FNIP1: variants seen among roughly 807,000 people sequenced by gnomAD.
FNIP1 encodes folliculin interacting protein 1, also known as folliculin-interacting protein 1.
Under a neutral mutation model 124.5 loss-of-function variants are expected in FNIP1, and 40 were observed. That is an observed-to-expected ratio of 0.32 (90% CI 0.25 to 0.42). The LOEUF (loss-of-function observed/expected upper bound fraction) is 0.42, where lower values mean the gene tolerates loss of function less well. Among genes scored for constraint, FNIP1 ranks in the 10% least tolerant of loss-of-function variants. The pLI is 1.00. For missense variants in FNIP1, 1,176 were observed against 1,403.7 expected (o/e 0.84, Z 2.59); for synonymous variants, 472 against 470.6 (o/e 1.00, Z -0.04).
intron 11 of FNIP1, among the ~76,000 whole-genome samples, chr5:131,693,309 TATATATACACATATATATATATAC>T (rs1400669133): frequency 3.3e-5 from 1 of 29,972 alleles, no homozygotes; most frequent in African/African-American, 9.9e-5. Flanking sequence ...TATATATATA[TATATATACACATATATATATATAC>T]ATATATATAT....
rs1001702968 is a variant in FNIP1 at position 131,730,965 on chromosome 5, G to C, written c.293C>G (p.Ser98Cys). ...TGAAGTCACAGAACTATCTAAAGAG[G>C]AAGAACTGTCTCCTCCAGGTTTCAG... ...CQLKPGGDSSSSLDSSVTSSS... is the reference protein window; with the variant it reads ...CQLKPGGDSSCSLDSSVTSSS... Residue 98 changes from serine (S) to cysteine (C), a missense_variant, in exon 3 of 18, where the codon TCC becomes TGC. Ser to Cys is a moderately radical substitution (Grantham distance 112). Transcript: ENST00000510461. The C allele has an allele frequency of 3.1e-6, 5 of 1,612,852 alleles. No homozygotes were observed. Among genetic ancestry groups the C allele is most frequent in the African/African-American group, 1.3e-5 (1 of 74,886 alleles).
intron 5 of FNIP1, among the ~76,000 whole-genome samples, 179 bp from the exon 6 acceptor site, chr5:131,716,835 A>C (rs903757755): frequency 6.6e-6 from 1 of 152,184 alleles, no homozygotes; most frequent in African/African-American, 2.4e-5. Flanking sequence ...TGCCAGATCT[A>C]GTCTGCTGCC....
chr5:131,672,958 C>A (rs768195197), intron 13 of FNIP1, 34 bp from the exon 14 acceptor site: 1 of 1,410,666 alleles, frequency 7.1e-7, no homozygotes, highest in Non-Finnish European at 9.5e-7. Flanking sequence ...TGGACATGTC[C>A]TTTACTGACA....
At position 131,707,078 on chromosome 5, in the gene FNIP1, C is replaced by T. The variant is rs567836762; in HGVS notation, c.779-532G>A. On this transcript the variant is annotated intron_variant, in intron 8 of 17. Coordinates refer to ENST00000510461, the MANE Select transcript of FNIP1 (RefSeq NM_133372.3). Reference sequence around the variant, plus strand: ...CCTACTAAGCTCCAAAAAAAGAATGCTCCCTGGAGCATCTAAGGTGACAAA... The same window carrying T: ...CCTACTAAGCTCCAAAAAAAGAATGTTCCCTGGAGCATCTAAGGTGACAAA... Among the ~76,000 whole-genome samples, 49 of 152,304 alleles carry T rather than the reference C, an allele frequency of 3.2e-4. 1 individual carries two copies. Among genetic ancestry groups the T allele is most frequent in the Non-Finnish European group, 3.8e-4 (26 of 68,030 alleles).
chr5:131,680,022 G>A (rs116390475), intron 11 of FNIP1, among the ~76,000 whole-genome samples: 98 of 152,296 alleles, frequency 6.4e-4, no homozygotes, highest in Middle Eastern at 3.4e-3. Context: ...AAACAATGCT[G>A]TCTAGTAGAA....
chr5:131,727,297 G>T (rs1442121343), intron 3 of FNIP1, among the ~76,000 whole-genome samples: 1 of 152,024 alleles, frequency 6.6e-6, no homozygotes, highest in Non-Finnish European at 1.5e-5. Context: ...TTCTTTGTAG[G>T]TCTTTAAGAA....
chr5:131,734,006 A>T (rs1250627467), intron 2 of FNIP1, among the ~76,000 whole-genome samples: 1 of 151,982 alleles, frequency 6.6e-6, no homozygotes, highest in African/African-American at 2.4e-5. Context: ...TCAATTTCAG[A>T]GCCTGTTACT....
intron 1 of FNIP1, among the ~76,000 whole-genome samples, chr5:131,773,426 C>T (rs1012912894): frequency 6.6e-6 from 1 of 152,062 alleles, no homozygotes; most frequent in Admixed American, 6.6e-5. Context: ...GTTTGGTGTG[C>T]CTGTCAACTT....
At chr5:131,682,488 G>A (rs190860194) in intron 11 of FNIP1, among the ~76,000 whole-genome samples, 1 of 152,162 alleles carries the variant, frequency 6.6e-6, no homozygotes, top group African/African-American at 2.4e-5. Flanking sequence ...GGAGGTCTAG[G>A]TGGGCGGATC....
At chr5:131,681,378 A>G (rs980660612) in intron 11 of FNIP1, among the ~76,000 whole-genome samples, 3 of 152,148 alleles carry the variant, frequency 2.0e-5, no homozygotes, top group African/African-American at 7.2e-5. Flanking sequence ...TATGCACAGA[A>G]TTCCTAACCT....
At chr5:131,703,964 C>T (rs1304919984) in intron 10 of FNIP1, 101 bp downstream of exon 10, 3 of 1,010,740 alleles carry the variant, frequency 3.0e-6, no homozygotes, top group Non-Finnish European at 4.3e-6. Context: ...AGGACACATG[C>T]ACAACGTCTG....
intron 4 of FNIP1, 44 bp downstream of exon 4, chr5:131,719,273 T>C (rs1769575531): frequency 6.4e-6 from 10 of 1,552,016 alleles, no homozygotes; most frequent in Non-Finnish European, 8.7e-6. Flanking sequence ...AACGAAAATA[T>C]CTAAAAATGG....
At chr5:131,764,278 T>C (rs1349303989) in intron 1 of FNIP1, among the ~76,000 whole-genome samples, 2 of 151,954 alleles carry the variant, frequency 1.3e-5, no homozygotes, top group African/African-American at 4.8e-5. Flanking sequence ...GGTATTTCTT[T>C]ATAGCAATAC....
intron 1 of FNIP1, among the ~76,000 whole-genome samples, chr5:131,777,496 C>T (rs1007675913): frequency 2.0e-5 from 3 of 151,742 alleles, no homozygotes; most frequent in Non-Finnish European, 2.9e-5. Flanking sequence ...AAATAGGTGC[C>T]CATCTAAAAG....
intron 6 of FNIP1, among the ~76,000 whole-genome samples, chr5:131,712,737 C>T (rs746475807): frequency 7.2e-5 from 11 of 152,160 alleles, no homozygotes; most frequent in Non-Finnish European, 1.3e-4. Context: ...TTGTAATCCA[C>T]ATAAACAAAA....
chr5:131,657,845 C>T (rs1279292264), intron 15 of FNIP1, among the ~76,000 whole-genome samples: 2 of 149,574 alleles, frequency 1.3e-5, no homozygotes, highest in Non-Finnish European at 3.0e-5. Flanking sequence ...TTGAGACCAT[C>T]GTGGCTAACA....
At chr5:131,751,632 T>C (rs189175420) in intron 1 of FNIP1, among the ~76,000 whole-genome samples, 65 of 151,194 alleles carry the variant, frequency 4.3e-4, no homozygotes, top group African/African-American at 1.4e-3. Flanking sequence ...AAAAGGCATG[T>C]CCATGAACTC....
chr5:131,735,295 A>G (rs1374100001), intron 2 of FNIP1, among the ~76,000 whole-genome samples: 1 of 151,908 alleles, frequency 6.6e-6, no homozygotes, highest in Non-Finnish European at 1.5e-5. Context: ...AACATCACAC[A>G]CCAGGGCCTG....
intron 1 of FNIP1, among the ~76,000 whole-genome samples, chr5:131,752,577 A>G (rs1316276840): frequency 6.6e-6 from 1 of 151,384 alleles, no homozygotes; most frequent in Non-Finnish European, 1.5e-5. Context: ...ATTGGAAGAC[A>G]ATATTTGCAA....
Sources: gnomAD v4.1 joint callset for allele counts (sites outside exome capture counted in the v4.1 genomes callset) on GRCh38, gnomAD v4.1.1 for gene constraint, MANE v1.5 for transcripts, NCBI Gene and HGNC (gene_info 2026-07-23, HGNC 2026-07-21) for gene names.